Variants in HCN1 observed in about 807,000 individuals in gnomAD.
The protein encoded by HCN1 is potassium/sodium hyperpolarization-activated cyclic nucleotide-gated channel 1.
Under a neutral mutation model 78.9 loss-of-function variants are expected in HCN1, and 13 were observed. The observed-to-expected ratio is 0.16, with a 90% CI of 0.11 to 0.26. The LOEUF is 0.26. Ranked by LOEUF, HCN1 falls within the 10% of genes least tolerant of loss-of-function variation. HCN1 has a pLI of 1.00. For synonymous variants in HCN1, 552 were observed against 455.5 expected (o/e 1.21, Z -2.70); for missense variants, 810 against 1,154.3 (o/e 0.70, Z 4.32).
intron 5 of HCN1, among the ~76,000 whole-genome samples, chr5:45,346,639 GA>G: frequency 6.6e-6 from 1 of 152,262 alleles, no homozygotes; most frequent in East Asian, 1.9e-4. Flanking sequence ...ATGGCACCTG[GA>G]AAATCGGGTC....
chr5:45,680,641 A>G (rs1440023362), intron 1 of HCN1, among the ~76,000 whole-genome samples: 1 of 152,090 alleles, frequency 6.6e-6, no homozygotes, highest in Non-Finnish European at 1.5e-5. Flanking sequence ...TACAAATAAG[A>G]TCTGTGAGTA....
intron 6 of HCN1, among the ~76,000 whole-genome samples, chr5:45,294,520 G>A (rs1438824188): frequency 6.6e-6 from 1 of 151,922 alleles, no homozygotes; most frequent in Non-Finnish European, 1.5e-5. Flanking sequence ...GAACACTTTG[G>A]CGTGGAAAGA....
At chr5:45,291,712 T>C (rs1466564146) in intron 6 of HCN1, among the ~76,000 whole-genome samples, 1 of 151,902 alleles carries the variant, frequency 6.6e-6, no homozygotes, top group Admixed American at 6.6e-5. Flanking sequence ...TGATTTTTTG[T>C]AGAGACAGGG....
chr5:45,455,942 G>A (rs777126725), intron 3 of HCN1, among the ~76,000 whole-genome samples: 4 of 151,868 alleles, frequency 2.6e-5, no homozygotes, highest in Non-Finnish European at 5.9e-5. Flanking sequence ...TTGGTTGTTA[G>A]TAAGTGTCCC....
chr5:45,352,622 A>C (rs1186315878), intron 5 of HCN1, among the ~76,000 whole-genome samples: 2 of 152,022 alleles, frequency 1.3e-5, no homozygotes, highest in Non-Finnish European at 2.9e-5. Context: ...GCAGATTTCT[A>C]GGGAGGAACA....
chr5:45,592,563 C>T (rs571518429), intron 2 of HCN1, among the ~76,000 whole-genome samples: 1 of 152,140 alleles, frequency 6.6e-6, no homozygotes, highest in East Asian at 1.9e-4. Context: ...ATCATATGTT[C>T]TAAATGAAAA....
chr5:45,329,952 G>A (rs1028834760), intron 5 of HCN1, among the ~76,000 whole-genome samples: 1 of 151,260 alleles, frequency 6.6e-6, no homozygotes, highest in Non-Finnish European at 1.5e-5. Context: ...CCAGATAGGA[G>A]AGCAAAGACC....
At chr5:45,490,549 A>G (rs1394440002) in intron 2 of HCN1, among the ~76,000 whole-genome samples, 1 of 152,112 alleles carries the variant, frequency 6.6e-6, no homozygotes, top group East Asian at 1.9e-4. Flanking sequence ...CACAATTCCC[A>G]GTCAACCCTT....
chr5:45,666,885 A>C (rs1240210166), intron 1 of HCN1, among the ~76,000 whole-genome samples: 1 of 152,052 alleles, frequency 6.6e-6, no homozygotes, highest in African/African-American at 2.4e-5. Context: ...TATCATGAAA[A>C]TGCAGACAAA....
At chr5:45,430,853 G>A (rs1382318029) in intron 3 of HCN1, among the ~76,000 whole-genome samples, 1 of 152,070 alleles carries the variant, frequency 6.6e-6, no homozygotes, top group African/African-American at 2.4e-5. Context: ...ACTATTCATG[G>A]GCATTTAGGC....
chr5:45,579,575 T>C (rs1467516292), intron 2 of HCN1, among the ~76,000 whole-genome samples: 1 of 152,032 alleles, frequency 6.6e-6, no homozygotes, highest in African/African-American at 2.4e-5. Flanking sequence ...CTTACAAAAA[T>C]TAAAAAGAGC....
chr5:45,409,138 C>T (rs183219576), intron 3 of HCN1, among the ~76,000 whole-genome samples: 54 of 152,022 alleles, frequency 3.6e-4, no homozygotes, highest in African/African-American at 1.2e-3. Context: ...GATAATTAAA[C>T]AAGAGACTAT....
intron 3 of HCN1, among the ~76,000 whole-genome samples, chr5:45,419,035 G>A: frequency 6.6e-6 from 1 of 152,076 alleles, no homozygotes; most frequent in East Asian, 1.9e-4. Context: ...CATCAAAGAT[G>A]GAGAACTTAG....
chr5:45,459,496 T>C lies in HCN1; in HGVS notation c.1011+2350A>G, dbSNP rs1157029978. Among the ~76,000 whole-genome samples, 4 of 145,210 alleles carry C rather than the reference T, an allele frequency of 2.8e-5. No homozygotes were observed. In the East Asian group the frequency reaches 8.2e-4, roughly 30 times the overall value. On this transcript the variant is annotated intron_variant, in intron 3 of 7. Transcript: ENST00000303230. The stretch of plus-strand genomic sequence containing the variant: ...AAAAAAGGTTGAAGGTTGGGCTATG[T>C]TGGAATAAACATACTACACACACAC...
intron 2 of HCN1, among the ~76,000 whole-genome samples, chr5:45,600,270 C>T (rs144116254): frequency 6.6e-6 from 1 of 152,068 alleles, no homozygotes; most frequent in Non-Finnish European, 1.5e-5. Context: ...CAGGTGAGTT[C>T]TGAGTAAAAT....
chr5:45,296,143 T>C (rs980027452), intron 6 of HCN1, among the ~76,000 whole-genome samples: 1 of 152,010 alleles, frequency 6.6e-6, no homozygotes, highest in African/African-American at 2.4e-5. Context: ...GTATTTTACA[T>C]ACTTTCTTAC....
intron 5 of HCN1, among the ~76,000 whole-genome samples, chr5:45,352,500 T>C (rs1746929314): frequency 6.6e-6 from 1 of 151,990 alleles, no homozygotes; most frequent in East Asian, 1.9e-4. Flanking sequence ...ATTGTGCACA[T>C]GTACCCTAAA....
chr5:45,563,345 G>A (rs148768716), intron 2 of HCN1, among the ~76,000 whole-genome samples: 10,900 of 152,008 alleles, frequency 0.072, 570 homozygotes, highest in Middle Eastern at 0.15. Flanking sequence ...CCAGCTACTC[G>A]GGAGGGTGAG....
intron 6 of HCN1, among the ~76,000 whole-genome samples, chr5:45,279,466 C>T (rs1353165924): frequency 2.0e-5 from 3 of 151,862 alleles, no homozygotes; most frequent in African/African-American, 7.3e-5. Context: ...AATGACTTTC[C>T]AAAAAGATAA....
Sources: gnomAD v4.1 joint callset for allele counts (sites outside exome capture counted in the v4.1 genomes callset) on GRCh38, gnomAD v4.1.1 for gene constraint, MANE v1.5 for transcripts, NCBI Gene and HGNC (gene_info 2026-07-23, HGNC 2026-07-21) for gene names.